SLFN5: variants seen among roughly 807,000 people sequenced by gnomAD.
SLFN5 encodes schlafen family member 5.
A neutral mutation model predicts 48.5 loss-of-function variants in SLFN5; 34 were observed. The ratio of observed to expected loss-of-function variants is 0.70; its 90% CI spans 0.53 to 0.93. The LOEUF (loss-of-function observed/expected upper bound fraction) is 0.93. SLFN5 is among the 40% of genes least tolerant of loss of function. SLFN5 has a pLI of 0.00. For synonymous variants in SLFN5, 387 were observed against 396.2 expected, an observed-to-expected ratio of 0.98 and a Z score of 0.28; for missense variants, 1,006 against 1,071.3, an observed-to-expected ratio of 0.94 and a Z score of 0.85.
At position 35,259,707 on chromosome 17, in the gene SLFN5, G is replaced by C. The variant is rs777323192; in HGVS notation, c.1012+5G>C. Reference sequence around the variant, plus strand: ...GGATGATGGAAGCTGACCCAGGTTAGGGAGCAATATCCACAATGGTTGTAA... The same window carrying C: ...GGATGATGGAAGCTGACCCAGGTTACGGAGCAATATCCACAATGGTTGTAA... On this transcript the variant is annotated splice_donor_5th_base_variant and intron_variant, in intron 2 of 4. Coordinates refer to ENST00000299977, the MANE Select transcript of SLFN5 (RefSeq NM_144975.4). 1.9e-6 allele frequency: 3 copies of C among 1,598,880 alleles called. No homozygotes were observed. In the South Asian group the frequency reaches 3.3e-5, roughly 18 times the overall value.
At position 35,245,298 on chromosome 17, in the gene SLFN5, A is replaced by C. The variant is rs535419320; in HGVS notation, c.-41+2155A>C. ...TGGTAAGTAAGAAGGCTACCAAGTG[A>C]CTAAGGGCTAGTAGCATATACGGGG... On this transcript the variant is annotated intron_variant, in intron 1 of 4. Coordinates refer to ENST00000299977, the MANE Select transcript of SLFN5 (RefSeq NM_144975.4). Among the ~76,000 whole-genome samples, 14 of 152,358 alleles carry C rather than the reference A, an allele frequency of 9.2e-5. No individual in the cohort carries two copies. The East Asian group carries it at 2.7e-3, about 29-fold the overall frequency.
intron 1 of SLFN5, among the ~76,000 whole-genome samples, chr17:35,247,781 C>T (rs1278703075): frequency 6.6e-6 from 1 of 152,202 alleles, no homozygotes; most frequent in Non-Finnish European, 1.5e-5. Flanking sequence ...GTCCTACAAG[C>T]CTGTTCAAGC....
intron 1 of SLFN5, among the ~76,000 whole-genome samples, chr17:35,258,024 C>G (rs139435538): frequency 1.3e-5 from 2 of 152,370 alleles, no homozygotes; most frequent in East Asian, 3.9e-4. Flanking sequence ...CTGCGAGACT[C>G]TGCCACTTTG....
At chr17:35,263,986 C>T (rs895863347) in intron 3 of SLFN5, among the ~76,000 whole-genome samples, 197 bp from the exon 4 acceptor site, 3 of 151,974 alleles carry the variant, frequency 2.0e-5, no homozygotes, top group Non-Finnish European at 4.4e-5. Context: ...CACTTTTTAC[C>T]ATAATTATTA....
chr17:35,266,026 C>T lies in SLFN5; in HGVS notation c.*138C>T, dbSNP rs1030411424. The T allele has an allele frequency of 2.3e-6, 2 of 883,700 alleles. No homozygotes were observed. The highest frequency in any genetic ancestry group is 1.9e-5 in the South Asian group (1 of 52,846). The allele number at this position is 883,700 out of a possible 1,614,324, so 54.7% of individuals were successfully genotyped here. A position where few individuals can be genotyped will look rare whatever the true frequency, so the allele number is the denominator to read the frequency against. The stretch of plus-strand genomic sequence containing the variant: ...TAGGTGCTGGGGATTGAGAACGAAT[C>T]GATGTAAGATTCCTCCTTTAGGGCA... On this transcript the variant is annotated 3_prime_UTR_variant, in exon 5 of 5. Coordinates refer to ENST00000299977, the MANE Select transcript of SLFN5 (RefSeq NM_144975.4).
intron 1 of SLFN5, among the ~76,000 whole-genome samples, chr17:35,255,457 G>A (rs1192264525): frequency 2.0e-5 from 3 of 152,196 alleles, no homozygotes; most frequent in Non-Finnish European, 4.4e-5. Context: ...GTGTGTATGC[G>A]TGCGCACATG....
Position 35,261,085 on chromosome 17 carries a change from G to A in SLFN5, c.1127G>A (p.Arg376His), listed in dbSNP as rs201670974. The change falls in exon 3 of 5, where the codon CGC becomes CAC. Residue 376 changes from arginine (R) to histidine (H), a missense_variant. Physicochemically the swap from Arg to His is conservative, Grantham distance 29 (BLOSUM62 0). Transcript: ENST00000299977. ...NSECLKEQQKRYFPVFSDRVV... is the reference protein window; with the variant it reads ...NSECLKEQQKHYFPVFSDRVV... Reference sequence around the variant, plus strand: ...GAATGTCTGAAAGAGCAGCAGAAACGCTACTTTCCAGGTAATTGGCCATCT... The same window carrying A: ...GAATGTCTGAAAGAGCAGCAGAAACACTACTTTCCAGGTAATTGGCCATCT... 372 of 1,612,840 alleles carry A rather than the reference G, an allele frequency of 2.3e-4. No individual in the cohort carries two copies. Among genetic ancestry groups the A allele is most frequent in the Non-Finnish European group, 3.0e-4 (353 of 1,179,254 alleles).
rs993440693 is a variant in SLFN5, at chr17:35,270,487, A to T, written c.*4599A>T. 2.0e-5 allele frequency: 3 copies of T among 152,276 alleles called. No individual in the cohort carries two copies. The highest frequency in any genetic ancestry group is 4.4e-5 in the Non-Finnish European group (3 of 68,074). 9.4% of individuals were successfully genotyped at this position (152,276 alleles called of 1,614,324 possible). Reference sequence around the variant, plus strand: ...AAATCTAGGTAAACCACGGTAATACACTGAGGCTGGCACCACCACAGGCCA... The same window carrying T: ...AAATCTAGGTAAACCACGGTAATACTCTGAGGCTGGCACCACCACAGGCCA... On this transcript the variant is annotated 3_prime_UTR_variant, in exon 5 of 5. Transcript: ENST00000299977.
rs1299487541 is a variant in SLFN5 at position 35,259,071 on chromosome 17, C to T, written c.381C>T (p.Val127=). Reference sequence around the variant, plus strand: ...ACAGAGAGAGAACATCCACCGATGTCATGGATTCTCAGGAAGCTCTGGCAT... The same window carrying T: ...ACAGAGAGAGAACATCCACCGATGTTATGGATTCTCAGGAAGCTCTGGCAT... ...LYHRERTSTD[V]MDSQEALAFL... The change falls in exon 2 of 5, where the codon GTC becomes GTT. Residue 127 remains valine (V), a synonymous_variant. Transcript: ENST00000299977. The T allele has an allele frequency of 6.2e-7, 1 of 1,614,196 alleles. No individual in the cohort carries two copies. Among genetic ancestry groups the T allele is most frequent in the Non-Finnish European group, 8.5e-7 (1 of 1,180,044 alleles).
chr17:35,257,348 C>T (rs1292727512), intron 1 of SLFN5, among the ~76,000 whole-genome samples: 1 of 152,144 alleles, frequency 6.6e-6, no homozygotes, highest in Non-Finnish European at 1.5e-5. Context: ...ATGGTCCTGA[C>T]ATGTCGAAGA....
rs1229636645 is a variant in SLFN5, at chr17:35,271,393, CAT to C, written c.*5507_*5508del. On this transcript the variant is annotated 3_prime_UTR_variant, in exon 5 of 5. Transcript: ENST00000299977. ...AAGGAGAACAAATAAATTAGTGAAACATAAGGTTAAGTCTATACATATTATTT... is the reference window on the plus strand; with the variant it reads ...AAGGAGAACAAATAAATTAGTGAAACAAGGTTAAGTCTATACATATTATTT... 5 of 152,040 alleles carry C rather than the reference CAT, an allele frequency of 3.3e-5. No individual in the cohort carries two copies. The highest frequency in any genetic ancestry group is 7.2e-5 in the African/African-American group (3 of 41,404). The allele number at this position is 152,040 out of a possible 1,614,324, so 9.4% of individuals were successfully genotyped here. A position where few individuals can be genotyped will look rare whatever the true frequency, so the allele number is the denominator to read the frequency against.
At position 35,265,556 on chromosome 17, in the gene SLFN5, C is replaced by T. The variant is rs777203753; in HGVS notation, c.2344C>T (p.Arg782Trp). The change falls in exon 5 of 5, where the codon CGG (arginine) becomes TGG (tryptophan). Residue 782 changes from arginine to tryptophan, a missense_variant. Arg to Trp is a moderately radical substitution (Grantham distance 101). Coordinates refer to ENST00000299977, the MANE Select transcript of SLFN5 (RefSeq NM_144975.4). ...YVANKCRFLL[R>W]NGYSPKDIAV... ...AGCGAATAAATGCCGTTTTCTCTTGCGGAATGGTTATTCTCCGAAGGATAT... is the reference window on the plus strand; with the variant it reads ...AGCGAATAAATGCCGTTTTCTCTTGTGGAATGGTTATTCTCCGAAGGATAT... 23 of 1,614,046 alleles carry T rather than the reference C, an allele frequency of 1.4e-5. No homozygotes were observed. The highest frequency in any genetic ancestry group is 2.7e-5 in the African/African-American group (2 of 74,902).
chr17:35,251,870 C>G (rs965159533), intron 1 of SLFN5, among the ~76,000 whole-genome samples: 2 of 151,954 alleles, frequency 1.3e-5, no homozygotes, highest in Non-Finnish European at 2.9e-5. Context: ...CACACCACCA[C>G]GCCCTGCTAA....
At chr17:35,260,900 T>C (rs983030724) in intron 2 of SLFN5, 71 bp from the exon 3 acceptor site, 24 of 1,584,954 alleles carry the variant, frequency 1.5e-5, no homozygotes, top group East Asian at 2.3e-5. Flanking sequence ...TGAAAGACTT[T>C]GTAGCACAGC....
chr17:35,259,495 A>G lies in SLFN5; in HGVS notation c.805A>G (p.Thr269Ala). 6 of 1,614,244 alleles carry G rather than the reference A, an allele frequency of 3.7e-6. No individual in the cohort carries two copies. Among genetic ancestry groups the G allele is most frequent in the Non-Finnish European group, 5.1e-6 (6 of 1,180,050 alleles). Residue 269 changes from threonine to alanine, a missense_variant, in exon 2 of 5, where the codon ACA (threonine) becomes GCA (alanine). Coordinates refer to ENST00000299977, the MANE Select transcript of SLFN5 (RefSeq NM_144975.4). Reference sequence around the variant, plus strand: ...GAAGCTACCTGTCCATCATTTCTGCACACAGAGGCCTGAGATAAAATATGT... The same window carrying G: ...GAAGCTACCTGTCCATCATTTCTGCGCACAGAGGCCTGAGATAAAATATGT... ...IKKLPVHHFC[T>A]QRPEIKYVLN...
At position 35,271,276 on chromosome 17, in the gene SLFN5, C is replaced by A. The variant is rs1300925036; in HGVS notation, c.*5388C>A. The A allele has an allele frequency of 6.6e-6, 1 of 152,010 alleles. No homozygotes were observed. The highest frequency in any genetic ancestry group is 2.4e-5 in the African/African-American group (1 of 41,410). 9.4% of individuals were successfully genotyped at this position (152,010 alleles called of 1,614,324 possible). On this transcript the variant is annotated 3_prime_UTR_variant, in exon 5 of 5. Coordinates refer to ENST00000299977, the MANE Select transcript of SLFN5 (RefSeq NM_144975.4). The stretch of plus-strand genomic sequence containing the variant: ...CTTGTTCCAAGTCAGAAAAACTATT[C>A]ATATAGGGATGGGCTATTAGCAAGA...
At chr17:35,248,612 C>G (rs1163127404) in intron 1 of SLFN5, among the ~76,000 whole-genome samples, 1 of 151,906 alleles carries the variant, frequency 6.6e-6, no homozygotes, top group Non-Finnish European at 1.5e-5. Flanking sequence ...AGACCCCCAC[C>G]CTTTGCCCAA....
At chr17:35,248,531 A>G (rs183432254) in intron 1 of SLFN5, among the ~76,000 whole-genome samples, 30 of 151,696 alleles carry the variant, frequency 2.0e-4, no homozygotes, top group African/African-American at 6.5e-4. Flanking sequence ...AGTAATTGCA[A>G]TTTTTGCCAT....
At position 35,267,132 on chromosome 17, in the gene SLFN5, T is replaced by C. The variant is rs1904719591; in HGVS notation, c.*1244T>C. ...ACAGGAAAGCAAGAAATTAGTCTATTGTGAAATGTTTTTACAACTAACTTG... is the reference window on the plus strand; with the variant it reads ...ACAGGAAAGCAAGAAATTAGTCTATCGTGAAATGTTTTTACAACTAACTTG... On this transcript the variant is annotated 3_prime_UTR_variant, in exon 5 of 5. Transcript: ENST00000299977. 1 of 152,226 alleles carries C rather than the reference T, an allele frequency of 6.6e-6. No individual in the cohort carries two copies. Among genetic ancestry groups the C allele is most frequent in the African/African-American group, 2.4e-5 (1 of 41,460 alleles). 9.4% of individuals were successfully genotyped at this position (152,226 alleles called of 1,614,324 possible). A position where few individuals can be genotyped will look rare whatever the true frequency, so the allele number is the denominator to read the frequency against.
Sources: allele counts gnomAD v4.1 joint callset (sites outside exome capture counted in the v4.1 genomes callset), GRCh38; gene constraint gnomAD v4.1.1; transcripts MANE v1.5; gene names NCBI Gene and HGNC (gene_info 2026-07-23, HGNC 2026-07-21).